Variants in MVP observed in about 807,000 individuals in gnomAD.
MVP encodes the protein lung resistance-related protein.
MVP carries 62 observed loss-of-function variants against 83.5 expected under a neutral mutation model. The ratio of observed to expected loss-of-function variants is 0.74; its 90% CI spans 0.61 to 0.92. The LOEUF is 0.92. MVP is among the 40% of genes least tolerant of loss of function. MVP has a pLI of 0.00. For synonymous variants in MVP, 505 were observed against 504.1 expected, an observed-to-expected ratio of 1.00 and a Z score of -0.02; for missense variants, 1,000 against 1,203.4, an observed-to-expected ratio of 0.83 and a Z score of 2.50.
chr16:29,846,898 C>A (rs1328019200), intron 13 of MVP, among the ~76,000 whole-genome samples: 1 of 151,934 alleles, frequency 6.6e-6, no homozygotes, highest in Non-Finnish European at 1.5e-5. Context: ...TAAAAAGAGG[C>A]CTAGTGTGGT....
At chr16:29,837,752 A>G (rs1306078508) in intron 7 of MVP, among the ~76,000 whole-genome samples, 2 of 146,706 alleles carry the variant, frequency 1.4e-5, no homozygotes, top group East Asian at 3.9e-4. Context: ...AGACTCTCAG[A>G]AAAAAAAAAA....
rs1372103775 is a variant in MVP at position 29,844,670 on chromosome 16, T to C, written c.1812T>C (p.Phe604=). The change falls in exon 11 of 15, where the codon TTT becomes TTC. Residue 604 remains phenylalanine, a synonymous_variant. Coordinates refer to ENST00000357402, the MANE Select transcript of MVP (RefSeq NM_005115.5). ...CCCGCATCATTCGCACTGCTGTCTT[T>C]GGCTTTGAGACCTCGGAAGCGAAGG... ...NSARIIRTAV[F]GFETSEAKGP... 1 of 1,614,168 alleles carries C rather than the reference T, an allele frequency of 6.2e-7. No individual in the cohort carries two copies. Among genetic ancestry groups the C allele is most frequent in the South Asian group, 1.1e-5 (1 of 91,080 alleles).
At position 29,831,936 on chromosome 16, in the gene MVP, T is replaced by TTTTG. The variant is rs888961973; in HGVS notation, c.321+883_321+886dup. Among the ~76,000 whole-genome samples, 204 of 152,318 alleles carry TTTTG rather than the reference T, an allele frequency of 1.3e-3. 3 individuals carry two copies. The highest frequency in any genetic ancestry group is 4.5e-3 in the African/African-American group (186 of 41,574). On this transcript the variant is annotated intron_variant, in intron 3 of 14. Transcript: ENST00000357402. The stretch of plus-strand genomic sequence containing the variant: ...TCTGGCCATTTAATGGTTTTGGGTT[T>TTTTG]TTTGTTTGTTTGTTTGTTTGTTTTT...
At chr16:29,828,973 T>C (rs577860721) in intron 1 of MVP, among the ~76,000 whole-genome samples, 17 of 152,248 alleles carry the variant, frequency 1.1e-4, no homozygotes, top group African/African-American at 3.1e-4. Context: ...CTGTGGCTCC[T>C]GCCTGTTTTT....
At chr16:29,842,433 G>A (rs1040926386) in intron 10 of MVP, among the ~76,000 whole-genome samples, 1 of 152,064 alleles carries the variant, frequency 6.6e-6, no homozygotes, top group African/African-American at 2.4e-5. Flanking sequence ...AACCTCCCAA[G>A]TGGCTAGGAT....
intron 1 of MVP, among the ~76,000 whole-genome samples, chr16:29,821,585 G>T (rs1440003342): frequency 6.6e-6 from 1 of 152,200 alleles, no homozygotes; most frequent in African/African-American, 2.4e-5. Context: ...CCCCACCCAG[G>T]TCCTCTAGTT....
intron 7 of MVP, 72 bp from the exon 8 acceptor site, chr16:29,840,101 CACAGG>C (rs1002042188): frequency 6.9e-7 from 1 of 1,458,288 alleles, no homozygotes; most frequent in African/African-American, 1.4e-5. Flanking sequence ...CCTGAAACAG[CACAGG>C]ACTGGGGAGG....
At chr16:29,837,518 C>A (rs1596920889) in intron 7 of MVP, among the ~76,000 whole-genome samples, 1 of 152,310 alleles carries the variant, frequency 6.6e-6, no homozygotes, top group Non-Finnish European at 1.5e-5. Context: ...CTTTGGGAGG[C>A]CGAGGCAGGT....
Position 29,841,491 on chromosome 16 carries a change from C to G in MVP, c.1192-105C>G. 7.0e-7 allele frequency: 1 copy of G among 1,419,782 alleles called. No individual in the cohort carries two copies. Among genetic ancestry groups the G allele is most frequent in the Non-Finnish European group, 9.4e-7 (1 of 1,067,058 alleles). The allele number at this position is 1,419,782 out of a possible 1,614,324, so 87.9% of individuals were successfully genotyped here. ...GCCTCCCCGTAGAGAAGGTGTTTAA[C>G]CTCGTGGCGCGCCTTCCCTGGATGG... On this transcript the variant is annotated intron_variant, in intron 8 of 14. Transcript: ENST00000357402. This position sits in a 1 kb window ranked among gnomAD's most constrained non-coding sequence, Gnocchi z 4.7.
intron 14 of MVP, 149 bp downstream of exon 14, chr16:29,847,534 C>A: frequency 1.1e-6 from 1 of 897,684 alleles, no homozygotes; most frequent in Non-Finnish European, 1.7e-6. Flanking sequence ...CACACAGTGT[C>A]ACGCTGCATC....
chr16:29,841,945 G>A lies in MVP; in HGVS notation c.1467G>A (p.Leu489=). Residue 489 remains leucine, a synonymous_variant, in exon 10 of 15, where the codon CTG becomes CTA. Coordinates refer to ENST00000357402, the MANE Select transcript of MVP (RefSeq NM_005115.5). This position sits in a 1 kb window ranked among gnomAD's most constrained non-coding sequence, Gnocchi z 4.7. The part of the protein sequence containing the change: ...RVVFGPELVS[L]GPEEQFTVLS... Reference sequence around the variant, plus strand: ...TCTTCGGGCCTGAGCTGGTGTCGCTGGGTCCTGAGGAGCAGTTCACAGTGT... The same window carrying A: ...TCTTCGGGCCTGAGCTGGTGTCGCTAGGTCCTGAGGAGCAGTTCACAGTGT... The A allele has an allele frequency of 6.2e-7, 1 of 1,612,802 alleles. No individual in the cohort carries two copies. The highest frequency in any genetic ancestry group is 8.5e-7 in the Non-Finnish European group (1 of 1,180,022).
At chr16:29,830,771 G>A (rs2067435306) in intron 2 of MVP, 97 bp downstream of exon 2, 3 of 1,577,364 alleles carry the variant, frequency 1.9e-6, no homozygotes, top group Middle Eastern at 3.4e-4. Flanking sequence ...TCCCAAGCAG[G>A]AGTGGCCCTC....
chr16:29,845,430 G>A (rs1402868594), intron 11 of MVP, among the ~76,000 whole-genome samples: 1 of 152,052 alleles, frequency 6.6e-6, no homozygotes, highest in Non-Finnish European at 1.5e-5. Flanking sequence ...AAGGCCTTTT[G>A]CAATGGCTAT....
rs757806346 is a variant in MVP, at chr16:29,834,084, C to T, written c.577+18C>T. On this transcript the variant is annotated intron_variant, in intron 5 of 14. Coordinates refer to ENST00000357402, the MANE Select transcript of MVP (RefSeq NM_005115.5). ...GGTGACAGGTGGGGTCACCAAGGGG[C>T]GATGATGGTGGGTGGGCAGGAGGGG... 137 of 1,610,708 alleles carry T rather than the reference C, an allele frequency of 8.5e-5. 2 individuals carry two copies. In the Admixed American group the frequency reaches 1.8e-3, roughly 22 times the overall value.
chr16:29,834,247 C>T (rs2067467871), intron 5 of MVP, 181 bp downstream of exon 5: 1 of 823,960 alleles, frequency 1.2e-6, no homozygotes, highest in East Asian at 3.0e-5. Flanking sequence ...ATGCTGTTTC[C>T]ACTTGGGCTG....
rs73528372 is a variant in MVP at position 29,839,590 on chromosome 16, T to G, written c.910-588T>G. On this transcript the variant is annotated intron_variant, in intron 7 of 14. Transcript: ENST00000357402. ...TTGAGTCTAGGACTTTGAGACCAGC[T>G]TAGGCAGCATGGCAACACCCCATCA... Among the ~76,000 whole-genome samples, 1,347 of 151,824 alleles carry G rather than the reference T, an allele frequency of 8.9e-3. 17 individuals carry two copies. The highest frequency in any genetic ancestry group is 0.031 in the African/African-American group (1,274 of 41,424).
In MVP at chr16:29,835,717, G is replaced by T. The variant is rs1369393575; in HGVS notation, c.591G>T (p.Leu197=). ...GKERVTGEEW[L]VTTVGAYLPA... is the part of the protein sequence containing the mutation. The stretch of plus-strand genomic sequence containing the variant: ...CTCTTGGCCCAGGGGAAGAATGGCT[G>T]GTCACCACAGTAGGGGCGTACCTCC... Residue 197 remains leucine, a synonymous_variant, in exon 6 of 15, where the codon CTG becomes CTT. Coordinates refer to ENST00000357402, the MANE Select transcript of MVP (RefSeq NM_005115.5). 1 of 1,613,614 alleles carries T rather than the reference G, an allele frequency of 6.2e-7. No individual in the cohort carries two copies. Among genetic ancestry groups the T allele is most frequent in the East Asian group, 2.2e-5 (1 of 44,872 alleles).
rs539582939 is a variant in MVP at position 29,841,564 on chromosome 16, C to G, written c.1192-32C>G. ...CGGATCTTCCTCCCTTCCACCCTTA[C>G]GGGCAGCTTCCCTCCCTGTCCTCGT... On this transcript the variant is annotated intron_variant, in intron 8 of 14. Coordinates refer to ENST00000357402, the MANE Select transcript of MVP (RefSeq NM_005115.5). This position sits in a 1 kb window ranked among gnomAD's most constrained non-coding sequence, Gnocchi z 4.7. The G allele has an allele frequency of 1.3e-6, 2 of 1,546,342 alleles. No homozygotes were observed. The highest frequency in any genetic ancestry group is 2.7e-5 in the African/African-American group (2 of 73,040).
chr16:29,831,437 A>C (rs1390885493), intron 3 of MVP, among the ~76,000 whole-genome samples: 1 of 152,150 alleles, frequency 6.6e-6, no homozygotes, highest in Non-Finnish European at 1.5e-5. Flanking sequence ...TACAGGCATG[A>C]GCCACTGTTC....
Sources: allele counts gnomAD v4.1 joint callset (sites outside exome capture counted in the v4.1 genomes callset), GRCh38; gene constraint gnomAD v4.1.1; non-coding constraint Gnocchi (gnomAD v3.1); transcripts MANE v1.5; gene names NCBI Gene and HGNC (gene_info 2026-07-23, HGNC 2026-07-21).